Variants in ARHGAP15 observed in about 807,000 individuals in gnomAD.
The protein encoded by ARHGAP15 is Rho GTPase activating protein 15, also known as rho GTPase-activating protein 15.
A neutral mutation model predicts 63.7 loss-of-function variants in ARHGAP15; 51 were observed. The ratio of observed to expected loss-of-function variants is 0.80; its 90% CI spans 0.64 to 1.01. ARHGAP15 has a LOEUF of 1.01. Among genes scored for constraint, ARHGAP15 ranks in the 50% least tolerant of loss-of-function variants. The pLI is 0.00. For synonymous variants in ARHGAP15, 191 were observed against 193.8 expected (o/e 0.99, Z 0.12); for missense variants, 560 against 564.6 (o/e 0.99, Z 0.08).
At chr2:143,195,366 G>A (rs13012536) in intron 2 of ARHGAP15, among the ~76,000 whole-genome samples, 25,574 of 151,982 alleles carry the variant, frequency 0.17, 2,336 homozygotes, top group Middle Eastern at 0.24. Flanking sequence ...TCTTTCTTTC[G>A]TTTATGACAT....
intron 10 of ARHGAP15, among the ~76,000 whole-genome samples, chr2:143,524,496 C>A (rs1443228397): frequency 1.3e-5 from 2 of 152,098 alleles, no homozygotes; most frequent in African/African-American, 4.8e-5. Flanking sequence ...GTAATGGATT[C>A]CTTTTGTGGT....
intron 6 of ARHGAP15, among the ~76,000 whole-genome samples, chr2:143,301,466 A>G (rs1348652611): frequency 6.6e-6 from 1 of 151,996 alleles, no homozygotes; most frequent in Non-Finnish European, 1.5e-5. Flanking sequence ...AACTTTAGCT[A>G]TGTGTATAAA....
chr2:143,274,576 G>T (rs2105062058), intron 6 of ARHGAP15, among the ~76,000 whole-genome samples: 1 of 152,302 alleles, frequency 6.6e-6, no homozygotes, highest in South Asian at 2.1e-4. Context: ...TTGTTATCAG[G>T]TTGTATGAAT....
rs768765146 is a variant in ARHGAP15, at chr2:143,436,921, T to C, written c.582T>C (p.Asp194=). The C allele has an allele frequency of 3.7e-6, 6 of 1,609,238 alleles. No homozygotes were observed. In the East Asian group the frequency reaches 1.3e-4, roughly 36 times the overall value. Residue 194 remains aspartate (D), a synonymous_variant, in exon 8 of 14, where the codon GAT becomes GAC. Transcript: ENST00000295095. ...TTATTTGCTGTTTCCAGCCAAAGGA[T>C]TCAAGTTGTCCATCAAGAAACCTGG... ...IKNAIDRLPK[D]SSCPSRNLEL...
intron 11 of ARHGAP15, among the ~76,000 whole-genome samples, chr2:143,567,466 T>C (rs1447355778): frequency 1.3e-5 from 2 of 152,208 alleles, no homozygotes; most frequent in Non-Finnish European, 2.9e-5. Context: ...AGTTGCTTTC[T>C]AGTCAGTCCA....
intron 9 of ARHGAP15, among the ~76,000 whole-genome samples, chr2:143,501,501 A>T (rs182378984): frequency 7.9e-5 from 12 of 152,358 alleles, no homozygotes; most frequent in Admixed American, 7.2e-4. Context: ...CAGTTGAAGA[A>T]GATATCATAA....
At chr2:143,294,760 G>A (rs931416044) in intron 6 of ARHGAP15, among the ~76,000 whole-genome samples, 1 of 152,168 alleles carries the variant, frequency 6.6e-6, no homozygotes, top group East Asian at 1.9e-4. Flanking sequence ...GAAGTGACTG[G>A]AGGATTCAGG....
chr2:143,399,156 C>T (rs1375048106), intron 6 of ARHGAP15, among the ~76,000 whole-genome samples: 2 of 152,064 alleles, frequency 1.3e-5, no homozygotes, highest in Admixed American at 6.6e-5. Flanking sequence ...CCACCTGACA[C>T]TTTATGGACT....
intron 2 of ARHGAP15, among the ~76,000 whole-genome samples, chr2:143,189,622 T>G (rs551901700): frequency 6.0e-4 from 91 of 151,460 alleles, no homozygotes; most frequent in African/African-American, 2.1e-3. Context: ...CCAACACACC[T>G]GGCTAATTTT....
At chr2:143,203,640 G>A (rs538410136) in intron 3 of ARHGAP15, among the ~76,000 whole-genome samples, 1 of 152,006 alleles carries the variant, frequency 6.6e-6, no homozygotes, top group African/African-American at 2.4e-5. Context: ...TTATTAAAAA[G>A]AAACATTTTC....
chr2:143,498,497 G>A (rs1692920476), intron 9 of ARHGAP15, among the ~76,000 whole-genome samples: 1 of 152,090 alleles, frequency 6.6e-6, no homozygotes, highest in Admixed American at 6.6e-5. Context: ...TTTTATCAAA[G>A]CATTTTCTGG....
intron 6 of ARHGAP15, among the ~76,000 whole-genome samples, chr2:143,324,549 A>T (rs1227333194): frequency 6.6e-6 from 1 of 152,234 alleles, no homozygotes; most frequent in Non-Finnish European, 1.5e-5. Flanking sequence ...AATTTGTTCA[A>T]ATTTAAGCAT....
At chr2:143,166,503 G>A (rs1690541639) in intron 2 of ARHGAP15, among the ~76,000 whole-genome samples, 12 of 152,062 alleles carry the variant, frequency 7.9e-5, no homozygotes, top group Admixed American at 7.9e-4. Context: ...TGTCCTCTAG[G>A]AGGTTACATT....
chr2:143,499,898 G>A (rs747017276), intron 9 of ARHGAP15, among the ~76,000 whole-genome samples: 18 of 151,686 alleles, frequency 1.2e-4, no homozygotes, highest in Non-Finnish European at 2.1e-4. Flanking sequence ...CTTTCTTGTC[G>A]CATGGAGAAA....
At chr2:143,606,603 T>C (rs1698042337) in intron 11 of ARHGAP15, 1 of 152,208 alleles carries the variant, frequency 6.6e-6, no homozygotes, top group South Asian at 2.1e-4. Context: ...TTTCAACCAC[T>C]GTATATAGAC....
At chr2:143,523,132 T>A (rs559009894) in intron 10 of ARHGAP15, among the ~76,000 whole-genome samples, 1 of 152,226 alleles carries the variant, frequency 6.6e-6, no homozygotes, top group South Asian at 2.1e-4. Flanking sequence ...AAATATTGGT[T>A]AAATGAAGCA....
At chr2:143,723,129 G>A (rs1374956260) in intron 13 of ARHGAP15, among the ~76,000 whole-genome samples, 4 of 152,196 alleles carry the variant, frequency 2.6e-5, no homozygotes, top group Admixed American at 2.6e-4. Flanking sequence ...AACATGCTGT[G>A]CAGGTTTATA....
At chr2:143,692,630 G>T (rs2105397459) in intron 12 of ARHGAP15, among the ~76,000 whole-genome samples, 1 of 152,218 alleles carries the variant, frequency 6.6e-6, no homozygotes, top group East Asian at 1.9e-4. Context: ...TTCGTTTGAT[G>T]GGTAAAGCAG....
chr2:143,330,105 A>AAAC (rs1267110558), intron 6 of ARHGAP15, among the ~76,000 whole-genome samples: 1 of 79,670 alleles, frequency 1.3e-5, no homozygotes, highest in Non-Finnish European at 2.5e-5. Context: ...AAAAAAAAAA[A>AAAC]AAAAAAAAAA....
Sources: allele counts gnomAD v4.1 joint callset (sites outside exome capture counted in the v4.1 genomes callset), GRCh38; gene constraint gnomAD v4.1.1; transcripts MANE v1.5; gene names NCBI Gene and HGNC (gene_info 2026-07-23, HGNC 2026-07-21).